The following KIF2C variants were observed in gnomAD, a reference collection of about 807,000 sequenced individuals.
KIF2C encodes kinesin family member 2C, also known as kinesin-like protein KIF2C.
KIF2C carries 34 observed loss-of-function variants against 97.4 expected under a neutral mutation model. That is an observed-to-expected ratio of 0.35 (90% CI 0.27 to 0.46). The LOEUF (loss-of-function observed/expected upper bound fraction) is 0.46, where lower values mean the gene tolerates loss of function less well. KIF2C is among the 20% of genes least tolerant of loss of function. The probability of loss-of-function intolerance (pLI) is 1.00; values close to 1 mark genes in which losing one functional copy is unlikely to be tolerated. For missense variants in KIF2C, 750 were observed against 907.6 expected (o/e 0.83, Z 2.23); for synonymous variants, 313 against 318.2 (o/e 0.98, Z 0.17).
Position 44,739,938 on chromosome 1 carries a change from CAT to C in KIF2C, c.7_8del (p.Met3GlyfsTer20). 6.2e-7 allele frequency: 1 copy of C among 1,614,172 alleles called. No homozygotes were observed. The highest frequency in any genetic ancestry group is 1.3e-5 in the African/African-American group (1 of 75,060). On this transcript the variant is annotated frameshift_variant, in exon 1 of 21. Coordinates refer to ENST00000372224, the MANE Select transcript of KIF2C (RefSeq NM_006845.4). LOFTEE classifies it high-confidence loss of function. ...CTTCCTTGCTGACTCTCCGAATGGC[CAT>C]GGACTCGTCGCTTCAGGCCCGCCTG... Reference protein sequence around the residue: MAMDSSLQARLFP... With the variant: MAXDSSLQARLFP...
intron 17 of KIF2C, 173 bp from the exon 18 acceptor site, chr1:44,762,173 A>C: frequency 1.2e-6 from 1 of 844,650 alleles, no homozygotes. Context: ...CTGGAGAGTC[A>C]GCTGGGTGAG....
At position 44,760,171 on chromosome 1, in the gene KIF2C, G is replaced by A; in HGVS notation, c.1368-109G>A. The A allele has an allele frequency of 1.1e-6, 1 of 912,312 alleles. No individual in the cohort carries two copies. The allele number at this position is 912,312 out of a possible 1,614,324, so 56.5% of individuals were successfully genotyped here. On this transcript the variant is annotated intron_variant, in intron 14 of 20. Transcript: ENST00000372224. The surrounding 1 kb of genome is among the most constrained non-coding windows in gnomAD (Gnocchi z 4.2). ...ATGGAAGCCTGGGACAGGAAAACAGGACTTTTTCGCCTCCTAACCTGTGTC... is the reference window on the plus strand; with the variant it reads ...ATGGAAGCCTGGGACAGGAAAACAGAACTTTTTCGCCTCCTAACCTGTGTC...
intron 2 of KIF2C, among the ~76,000 whole-genome samples, chr1:44,744,076 T>A (rs2148820958): frequency 7.7e-6 from 1 of 129,276 alleles, no homozygotes; most frequent in East Asian, 2.5e-4. Context: ...TTTCAAGCTC[T>A]GGTTTTTTTT....
Position 44,741,011 on chromosome 1 carries a change from G to A in KIF2C, c.165+4G>A, listed in dbSNP as rs759896566. On this transcript the variant is annotated splice_donor_region_variant and intron_variant, in intron 2 of 20. Coordinates refer to ENST00000372224, the MANE Select transcript of KIF2C (RefSeq NM_006845.4). ...AGGTGCCACAAAGGGCAAAGAGGTA[G>A]GTTCTATGAGAATTCCTCTACCACA... The A allele has an allele frequency of 3.3e-5, 53 of 1,605,018 alleles. No homozygotes were observed. The Admixed American group carries it at 7.3e-4, about 22-fold the overall frequency.
intron 2 of KIF2C, chr1:44,746,477 T>A: frequency 8.1e-7 from 1 of 1,241,250 alleles, no homozygotes; most frequent in Admixed American, 4.2e-5. Context: ...GTAGCAGCTG[T>A]CAGGAACTTG....
chr1:44,760,945 G>C lies in KIF2C; in HGVS notation c.1683+243G>C, dbSNP rs545376285. 4.4e-5 allele frequency: 21 copies of C among 478,232 alleles called. No individual in the cohort carries two copies. The South Asian group carries it at 4.7e-4, about 11-fold the overall frequency. 29.6% of individuals were successfully genotyped at this position (478,232 alleles called of 1,614,324 possible). A position where few individuals can be genotyped will look rare whatever the true frequency, so the allele number is the denominator to read the frequency against. On this transcript the variant is annotated intron_variant, in intron 16 of 20. Transcript: ENST00000372224. The surrounding 1 kb of genome is among the most constrained non-coding windows in gnomAD (Gnocchi z 4.2). Reference sequence around the variant, plus strand: ...TAGGTGCAGCTCTTGGTTTGGGAGAGGTCATTCCTGCATTACCTGATGAAA... The same window carrying C: ...TAGGTGCAGCTCTTGGTTTGGGAGACGTCATTCCTGCATTACCTGATGAAA...
At chr1:44,756,399 C>T (rs1398040064) in intron 10 of KIF2C, among the ~76,000 whole-genome samples, 162 bp downstream of exon 10, 1 of 152,106 alleles carries the variant, frequency 6.6e-6, no homozygotes, top group African/African-American at 2.4e-5. Flanking sequence ...GTGGCCCATC[C>T]TTGAGTGGAT....
intron 1 of KIF2C, among the ~76,000 whole-genome samples, chr1:44,740,370 A>G (rs748785958): frequency 7.2e-5 from 11 of 152,186 alleles, no homozygotes; most frequent in Admixed American, 1.3e-4. Context: ...AATATTGCGC[A>G]GTTGCGGTAT....
rs188956865 is a variant in KIF2C at position 44,765,351 on chromosome 1, C to G, written c.1972-1475C>G. 2.4e-3 allele frequency among the ~76,000 whole-genome samples: 359 copies of G among 151,964 alleles called. 1 individual carries two copies. Among genetic ancestry groups the G allele is most frequent in the Middle Eastern group, 6.8e-3 (2 of 292 alleles). Reference sequence around the variant, plus strand: ...GTAGGGATAGCATTAGGAGATATACCCAATGTAAATGACAAGTTAATGGGT... The same window carrying G: ...GTAGGGATAGCATTAGGAGATATACGCAATGTAAATGACAAGTTAATGGGT... On this transcript the variant is annotated intron_variant, in intron 19 of 20. Transcript: ENST00000372224.
At chr1:44,766,180 C>G (rs534136523) in intron 19 of KIF2C, among the ~76,000 whole-genome samples, 2 of 152,010 alleles carry the variant, frequency 1.3e-5, no homozygotes, top group Non-Finnish European at 2.9e-5. Flanking sequence ...GAGCCAGGAT[C>G]GCACACCACT....
At chr1:44,749,906 G>A (rs761280224) in intron 4 of KIF2C, among the ~76,000 whole-genome samples, 6 of 151,344 alleles carry the variant, frequency 4.0e-5, no homozygotes, top group East Asian at 1.9e-4. Context: ...GTGAAACCCC[G>A]TCTGTACTAA....
At chr1:44,746,514 C>G (rs1366227582) in intron 2 of KIF2C, 3 of 1,287,474 alleles carry the variant, frequency 2.3e-6, no homozygotes, top group Non-Finnish European at 2.9e-6. Flanking sequence ...CCTAAAGGGC[C>G]CCCATTTGAC....
chr1:44,756,986 C>T (rs2148829661), intron 10 of KIF2C, among the ~76,000 whole-genome samples: 1 of 152,184 alleles, frequency 6.6e-6, no homozygotes, highest in African/African-American at 2.4e-5. Context: ...GGCGAGATCT[C>T]AGCTCACTGC....
intron 5 of KIF2C, among the ~76,000 whole-genome samples, chr1:44,752,279 C>T (rs571316055): frequency 1.9e-4 from 29 of 151,712 alleles, no homozygotes; most frequent in Non-Finnish European, 4.0e-4. Flanking sequence ...GGACTACAGC[C>T]GCCTGCCACC....
Position 44,760,699 on chromosome 1 carries a change from C to T in KIF2C, c.1680C>T (p.Cys560=), listed in dbSNP as rs377472489. The T allele has an allele frequency of 1.9e-6, 3 of 1,611,104 alleles. No individual in the cohort carries two copies. Among genetic ancestry groups the T allele is most frequent in the Non-Finnish European group, 2.5e-6 (3 of 1,177,274 alleles). The change falls in exon 16 of 21, where the codon TGC becomes TGT. Residue 560 remains cysteine, a synonymous_variant. Transcript: ENST00000372224. The surrounding 1 kb of genome is among the most constrained non-coding windows in gnomAD (Gnocchi z 4.2). ...TCATTGGGGAGAACTCTAGGACTTG[C>T]ATGGTGAGTAGGGTCACTTTGAAGG... ...DSFIGENSRT[C]MIATISPGIS...
At chr1:44,740,634 T>C (rs1403238818) in intron 1 of KIF2C, among the ~76,000 whole-genome samples, 5 of 152,268 alleles carry the variant, frequency 3.3e-5, no homozygotes, top group East Asian at 3.9e-4. Context: ...TTCTCTTTTG[T>C]AGGCTCTATC....
intron 11 of KIF2C, 113 bp from the exon 12 acceptor site, chr1:44,757,795 C>A: frequency 1.6e-6 from 2 of 1,219,552 alleles, no homozygotes; most frequent in Non-Finnish European, 2.4e-6. Context: ...CAGGGAGGGG[C>A]TTTAGGTCCA....
rs1650223209 is a variant in KIF2C, at chr1:44,762,604, T to C, written c.1917T>C (p.Thr639=). The part of the protein sequence containing the change: ...SQMSSFNEAM[T]QIRELEEKAM... ...TGTCCAGCTTTAACGAAGCCATGAC[T>C]CAGATCAGGGAGCTGGAGGAGAAGG... The change falls in exon 19 of 21, where the codon ACT becomes ACC. Residue 639 remains threonine (T), a synonymous_variant. Transcript: ENST00000372224. 1.2e-6 allele frequency: 2 copies of C among 1,614,104 alleles called. No individual in the cohort carries two copies. The highest frequency in any genetic ancestry group is 4.5e-5 in the East Asian group (2 of 44,874).
intron 5 of KIF2C, among the ~76,000 whole-genome samples, chr1:44,751,228 T>C (rs1039078655): frequency 2.6e-5 from 4 of 152,112 alleles, no homozygotes; most frequent in African/African-American, 9.7e-5. Flanking sequence ...AGAGTCTCAC[T>C]CTTGTCACCC....
Sources: gnomAD v4.1 joint callset for allele counts (sites outside exome capture counted in the v4.1 genomes callset) on GRCh38, gnomAD v4.1.1 for gene constraint, Gnocchi (gnomAD v3.1) non-coding constraint, MANE v1.5 for transcripts, NCBI Gene and HGNC (gene_info 2026-07-23, HGNC 2026-07-21) for gene names.